The following PTPRD variants were observed in gnomAD, a reference collection of about 807,000 sequenced individuals.
PTPRD encodes protein tyrosine phosphatase receptor type D.
In PTPRD, 34 loss-of-function variants were observed where a neutral mutation model predicts 214.5. The observed-to-expected ratio is 0.16, with a 90% CI of 0.12 to 0.21. The LOEUF is 0.21. Among genes scored for constraint, PTPRD ranks in the 10% least tolerant of loss-of-function variants. The pLI, the probability that PTPRD is intolerant of heterozygous loss-of-function variation, is 1.00. For synonymous variants in PTPRD, 1,128 were observed against 845.7 expected (o/e 1.33, Z -5.79); for missense variants, 2,545 against 2,398.7 (o/e 1.06, Z -1.27).
chr9:10,278,979 T>C (rs1247888228), intron 3 of PTPRD, among the ~76,000 whole-genome samples: 1 of 152,122 alleles, frequency 6.6e-6, no homozygotes, highest in East Asian at 1.9e-4. Context: ...CTTCACCGTG[T>C]TAGCCAGGAT....
intron 9 of PTPRD, among the ~76,000 whole-genome samples, chr9:9,225,275 A>G (rs1281130439): frequency 6.6e-6 from 1 of 152,064 alleles, no homozygotes; most frequent in African/African-American, 2.4e-5. Flanking sequence ...CCATTAACAT[A>G]TGAGCATTAG....
At chr9:8,320,836 G>A (rs1284022042) in intron 44 of PTPRD, among the ~76,000 whole-genome samples, 1 of 152,020 alleles carries the variant, frequency 6.6e-6, no homozygotes, top group Non-Finnish European at 1.5e-5. Context: ...GTGCACTTAA[G>A]GAGGAAAGCA....
chr9:8,652,124 T>C (rs1044339569), intron 12 of PTPRD, among the ~76,000 whole-genome samples: 1 of 152,204 alleles, frequency 6.6e-6, no homozygotes, highest in Admixed American at 6.5e-5. Context: ...CTCAGGGTAT[T>C]AGGTAAGAAA....
chr9:9,516,182 G>T (rs1009385630), intron 8 of PTPRD, among the ~76,000 whole-genome samples: 4 of 151,682 alleles, frequency 2.6e-5, no homozygotes, highest in African/African-American at 9.7e-5. Context: ...TATACCAAAG[G>T]AAAAAAGAGT....
intron 2 of PTPRD, among the ~76,000 whole-genome samples, chr9:10,408,130 T>C (rs1243328599): frequency 2.6e-5 from 4 of 151,534 alleles, no homozygotes; most frequent in African/African-American, 9.7e-5. Context: ...GTGTTTCTTC[T>C]ACCTTTCTTG....
chr9:9,609,504 C>T (rs1244109407), intron 7 of PTPRD, among the ~76,000 whole-genome samples: 2 of 152,112 alleles, frequency 1.3e-5, no homozygotes, highest in East Asian at 3.9e-4. Flanking sequence ...GCTCTGTAGC[C>T]CAGGGTAGAG....
intron 8 of PTPRD, among the ~76,000 whole-genome samples, chr9:9,520,495 G>T (rs930483378): frequency 1.3e-5 from 2 of 152,022 alleles, no homozygotes; most frequent in Admixed American, 1.3e-4. Flanking sequence ...CCATGCATTT[G>T]TGTGTTCTCA....
intron 12 of PTPRD, among the ~76,000 whole-genome samples, chr9:8,702,560 C>A (rs1432108858): frequency 6.6e-6 from 1 of 152,116 alleles, no homozygotes; most frequent in Non-Finnish European, 1.5e-5. Flanking sequence ...TAAAGGAGAG[C>A]TGCACAAGAG....
At chr9:8,772,869 GC>G (rs1334950392) in intron 11 of PTPRD, among the ~76,000 whole-genome samples, 4 of 151,694 alleles carry the variant, frequency 2.6e-5, no homozygotes, top group African/African-American at 9.7e-5. Context: ...AAATATTCTT[GC>G]TTTTTGTTCT....
intron 11 of PTPRD, among the ~76,000 whole-genome samples, chr9:8,849,555 G>A (rs992357142): frequency 3.9e-5 from 6 of 152,082 alleles, no homozygotes; most frequent in Non-Finnish European, 7.4e-5. Flanking sequence ...TCAATTCAAC[G>A]AAAAGGAATA....
intron 9 of PTPRD, among the ~76,000 whole-genome samples, chr9:9,290,600 T>C (rs1045630150): frequency 1.3e-5 from 2 of 151,528 alleles, no homozygotes; most frequent in African/African-American, 4.8e-5. Flanking sequence ...TAATAACATA[T>C]TTATGTGTAT....
At chr9:9,675,094 A>G (rs1564470342) in intron 7 of PTPRD, among the ~76,000 whole-genome samples, 2 of 151,954 alleles carry the variant, frequency 1.3e-5, no homozygotes, top group Admixed American at 6.6e-5. Context: ...AACATATTTA[A>G]GAGATTTTTG....
At chr9:10,310,369 T>C (rs558201761) in intron 3 of PTPRD, among the ~76,000 whole-genome samples, 7 of 152,194 alleles carry the variant, frequency 4.6e-5, no homozygotes, top group African/African-American at 1.4e-4. Context: ...GAAAACATGA[T>C]TTCAGAAGTA....
chr9:9,957,890 A>T (rs1249239730), intron 4 of PTPRD, among the ~76,000 whole-genome samples: 2 of 152,258 alleles, frequency 1.3e-5, no homozygotes, highest in East Asian at 1.9e-4. Context: ...TGAGAAAAAA[A>T]AAAAAATTAG....
chr9:8,834,551 T>G (rs2097371395), intron 11 of PTPRD, among the ~76,000 whole-genome samples: 1 of 152,206 alleles, frequency 6.6e-6, no homozygotes, highest in Non-Finnish European at 1.5e-5. Context: ...GCATTAATAC[T>G]AATAAAAATT....
At chr9:8,710,915 G>T (rs555355539) in intron 12 of PTPRD, among the ~76,000 whole-genome samples, 6 of 151,994 alleles carry the variant, frequency 3.9e-5, no homozygotes, top group Admixed American at 1.3e-4. Flanking sequence ...ATTCACCTTG[G>T]TAAGCACTTT....
At chr9:9,346,627 T>C (rs190090748) in intron 9 of PTPRD, among the ~76,000 whole-genome samples, 38 of 152,226 alleles carry the variant, frequency 2.5e-4, no homozygotes, top group African/African-American at 8.2e-4. Context: ...TATAACTCTA[T>C]GTTTTTGAAT....
chr9:10,169,470 T>A (rs2099186121), intron 3 of PTPRD, among the ~76,000 whole-genome samples: 1 of 74,418 alleles, frequency 1.3e-5, no homozygotes, highest in African/African-American at 6.6e-5. Context: ...CGAGACTCTG[T>A]CTCAAAAAAA....
At chr9:9,349,183 C>T (rs1179931946) in intron 9 of PTPRD, among the ~76,000 whole-genome samples, 1 of 152,068 alleles carries the variant, frequency 6.6e-6, no homozygotes, top group Non-Finnish European at 1.5e-5. Flanking sequence ...TCTCTGCTTA[C>T]ATATTTCACT....
Sources: allele counts gnomAD v4.1 joint callset (sites outside exome capture counted in the v4.1 genomes callset), GRCh38; gene constraint gnomAD v4.1.1; transcripts MANE v1.5; gene names NCBI Gene and HGNC (gene_info 2026-07-23, HGNC 2026-07-21).